Variants in RILPL1 observed in about 807,000 individuals in gnomAD.
The protein encoded by RILPL1 is Rab interacting lysosomal protein like 1.
In RILPL1, 33 loss-of-function variants were observed where a neutral mutation model predicts 50.3. The ratio of observed to expected loss-of-function variants is 0.66; its 90% confidence interval spans 0.50 to 0.88. The LOEUF (loss-of-function observed/expected upper bound fraction) is 0.88. Among genes scored for constraint, RILPL1 ranks in the 40% least tolerant of loss-of-function variants. The pLI is 0.00. For missense variants in RILPL1, 418 were observed against 542.5 expected (o/e 0.77, Z 2.28); for synonymous variants, 205 against 228.6 (o/e 0.90, Z 0.93).
rs187964271 is a variant in RILPL1 at position 123,503,724 on chromosome 12, G to C, written c.461-4188C>G. ...AACATCCCCATCTCAAGATCTGGCC[G>C]GGAGTGGTGGCTCATGCCTGTAATC... On this transcript the variant is annotated intron_variant, in intron 2 of 6. Transcript: ENST00000376874. 4.7e-3 allele frequency among the ~76,000 whole-genome samples: 720 copies of C among 152,142 alleles called. 3 individuals carry two copies. Among genetic ancestry groups the C allele is most frequent in the African/African-American group, 0.017 (692 of 41,516 alleles).
At chr12:123,521,999 G>A (rs1387801996) in intron 2 of RILPL1, among the ~76,000 whole-genome samples, 1 of 151,954 alleles carries the variant, frequency 6.6e-6, no homozygotes, top group East Asian at 1.9e-4. Context: ...TCAAACTCCT[G>A]ACCTCAAATG....
intron 2 of RILPL1, among the ~76,000 whole-genome samples, chr12:123,508,331 C>T (rs1419055192): frequency 2.0e-5 from 3 of 151,920 alleles, no homozygotes; most frequent in Non-Finnish European, 4.4e-5. Context: ...GAGTTCGAGG[C>T]TGCAGTGAGC....
rs1593541689 is a variant in RILPL1, at chr12:123,485,880, C to A, written c.802-75G>T. 7.0e-7 allele frequency: 1 copy of A among 1,429,164 alleles called. No homozygotes were observed. The highest frequency in any genetic ancestry group is 1.4e-5 in the South Asian group (1 of 69,474). The allele number at this position is 1,429,164 out of a possible 1,614,324, so 88.5% of individuals were successfully genotyped here. A position where few individuals can be genotyped will look rare whatever the true frequency, so the allele number is the denominator to read the frequency against. On this transcript the variant is annotated intron_variant, in intron 4 of 6. Coordinates refer to ENST00000376874, the MANE Select transcript of RILPL1 (RefSeq NM_178314.5). This position sits in a 1 kb window ranked among gnomAD's most constrained non-coding sequence, Gnocchi z 4.0. ...CACCCACTCTCTATCCTGAAGGAGC[C>A]CAAATTCTCCCCCTCCCGGGGTGCC...
chr12:123,532,505 GTTTC>G (rs1429213857), intron 1 of RILPL1, among the ~76,000 whole-genome samples: 2 of 152,082 alleles, frequency 1.3e-5, no homozygotes, highest in Non-Finnish European at 1.5e-5. Flanking sequence ...GTGACCCTCG[GTTTC>G]TTTATCTGTA....
chr12:123,500,691 G>A (rs1468617786), intron 2 of RILPL1, among the ~76,000 whole-genome samples: 2 of 152,140 alleles, frequency 1.3e-5, no homozygotes, highest in Non-Finnish European at 2.9e-5. Context: ...TTTGGAGCTA[G>A]CCTCTTTATG....
At position 123,529,422 on chromosome 12, in the gene RILPL1, G is replaced by A. The variant is rs570006365; in HGVS notation, c.309+3752C>T. Among the ~76,000 whole-genome samples, 16 of 152,136 alleles carry A rather than the reference G, an allele frequency of 1.1e-4. No individual in the cohort carries two copies. The South Asian group carries it at 1.7e-3, about 16-fold the overall frequency. On this transcript the variant is annotated intron_variant, in intron 1 of 6. Transcript: ENST00000376874. ...TTCTCCTGCCTCTGCCTCCTGAGGC[G>A]TGCGCCACCACACCCAGCTAATTTT...
chr12:123,497,580 C>T (rs561077268), intron 4 of RILPL1, among the ~76,000 whole-genome samples: 15 of 151,984 alleles, frequency 9.9e-5, no homozygotes, highest in East Asian at 3.9e-4. Flanking sequence ...TTAGTAGAGA[C>T]GGGGTTTTAC....
rs57574691 is a variant in RILPL1 at position 123,470,473 on chromosome 12, C to CAAAAA, written c.*2060_*2064dup. ...AGGTGACAGAGTGAGACCCTGTGTC[C>CAAAAA]AAAAAAAAAAAAAAAAAAAAGGCCA... On this transcript the variant is annotated 3_prime_UTR_variant, in exon 7 of 7. Coordinates refer to ENST00000376874, the MANE Select transcript of RILPL1 (RefSeq NM_178314.5). 1 of 86,160 alleles carries CAAAAA rather than the reference C, an allele frequency of 1.2e-5. No homozygotes were observed. Among genetic ancestry groups the CAAAAA allele is most frequent in the South Asian group, 4.2e-4 (1 of 2,360 alleles). 5.3% of individuals were successfully genotyped at this position (86,160 alleles called of 1,614,324 possible).
In RILPL1 at chr12:123,533,441, C is replaced by A. The variant is rs1028113980; in HGVS notation, c.42G>T (p.Ala14=). 6 of 1,534,124 alleles carry A rather than the reference C, an allele frequency of 3.9e-6. No individual in the cohort carries two copies. Among genetic ancestry groups the A allele is most frequent in the Non-Finnish European group, 5.3e-6 (6 of 1,137,866 alleles). Residue 14 remains alanine, a synonymous_variant, in exon 1 of 7, where the codon GCG becomes GCT. Coordinates refer to ENST00000376874, the MANE Select transcript of RILPL1 (RefSeq NM_178314.5). This position sits in a 1 kb window ranked among gnomAD's most constrained non-coding sequence, Gnocchi z 6.2. ...ERGSALAAES[A]LEKNVAELTV... is the part of the protein sequence containing the mutation. ...TCAGCTCGGCCACGTTCTTCTCCAG[C>A]GCCGACTCGGCCGCCAGCGCCGACC...
intron 1 of RILPL1, among the ~76,000 whole-genome samples, chr12:123,526,128 A>T (rs1465361451): frequency 6.6e-6 from 1 of 151,956 alleles, no homozygotes; most frequent in Non-Finnish European, 1.5e-5. Flanking sequence ...CAGCATGGCA[A>T]AACCCCGTCT....
At chr12:123,481,521 CA>C (rs1881999580) in intron 6 of RILPL1, among the ~76,000 whole-genome samples, 1 of 151,870 alleles carries the variant, frequency 6.6e-6, no homozygotes, top group African/African-American at 2.4e-5. Context: ...CACGCTGTGG[CA>C]AGTTGGAACT....
In RILPL1 at chr12:123,523,573, C is replaced by G. The variant is rs1450287925; in HGVS notation, c.382G>C (p.Glu128Gln). 18 of 1,613,918 alleles carry G rather than the reference C, an allele frequency of 1.1e-5. No homozygotes were observed. The Admixed American group carries it at 3.0e-4, about 27-fold the overall frequency. Reference sequence around the variant, plus strand: ...TTGGTCATGAGCTGCTTGTTCTCCTCCTGCAGCTGGGCGATCTGGGAGAGG... The same window carrying G: ...TTGGTCATGAGCTGCTTGTTCTCCTGCTGCAGCTGGGCGATCTGGGAGAGG... ...DLLSQIAQLQEENKQLMTNLS... is the reference protein window; with the variant it reads ...DLLSQIAQLQQENKQLMTNLS... Residue 128 changes from glutamate to glutamine, a missense_variant, in exon 2 of 7, where the codon GAG becomes CAG. Transcript: ENST00000376874.
intron 2 of RILPL1, among the ~76,000 whole-genome samples, chr12:123,510,991 G>A (rs1884111001): frequency 1.4e-5 from 2 of 141,532 alleles, no homozygotes; most frequent in African/African-American, 5.4e-5. Context: ...TGTGTGTGAG[G>A]TCTGTGTGTG....
At chr12:123,519,176 C>G (rs1449342558) in intron 2 of RILPL1, among the ~76,000 whole-genome samples, 4 of 151,906 alleles carry the variant, frequency 2.6e-5, no homozygotes, top group African/African-American at 9.7e-5. Flanking sequence ...TTCTGTAATG[C>G]CCTTCAGAAA....
At chr12:123,496,137 C>A (rs1345229575) in intron 4 of RILPL1, among the ~76,000 whole-genome samples, 2 of 151,994 alleles carry the variant, frequency 1.3e-5, no homozygotes, top group Non-Finnish European at 2.9e-5. Flanking sequence ...CCCAGCCCCC[C>A]AAAGTAATTG....
intron 2 of RILPL1, among the ~76,000 whole-genome samples, chr12:123,504,851 A>G (rs993970382): frequency 5.3e-5 from 8 of 151,974 alleles, no homozygotes; most frequent in Non-Finnish European, 1.0e-4. Context: ...TGTCTTCTCC[A>G]TGATACCAAG....
intron 4 of RILPL1, among the ~76,000 whole-genome samples, chr12:123,490,078 C>T (rs1882590145): frequency 6.6e-6 from 1 of 152,074 alleles, no homozygotes; most frequent in South Asian, 2.1e-4. Context: ...CTGCAGGCAG[C>T]AGTGGCCCCT....
intron 4 of RILPL1, among the ~76,000 whole-genome samples, chr12:123,490,994 C>A (rs1218756426): frequency 2.6e-5 from 4 of 152,196 alleles, no homozygotes; most frequent in Non-Finnish European, 4.4e-5. Context: ...AGGTGATCCG[C>A]CTGCCTCAGC....
chr12:123,477,495 T>C, intron 6 of RILPL1, among the ~76,000 whole-genome samples: 1 of 151,990 alleles, frequency 6.6e-6, no homozygotes, highest in Admixed American at 6.6e-5. Flanking sequence ...TGCACCACCC[T>C]GCTGGGCTAA....
Sources: gnomAD v4.1 joint callset for allele counts (sites outside exome capture counted in the v4.1 genomes callset) on GRCh38, gnomAD v4.1.1 for gene constraint, Gnocchi (gnomAD v3.1) non-coding constraint, MANE v1.5 for transcripts, NCBI Gene and HGNC (gene_info 2026-07-23, HGNC 2026-07-21) for gene names.